PRKCB: variants seen among roughly 807,000 people sequenced by gnomAD.
PRKCB encodes protein kinase C beta, also known as protein kinase C beta type.
A neutral mutation model predicts 81.5 loss-of-function variants in PRKCB; 13 were observed. The ratio of observed to expected loss-of-function variants is 0.16; its 90% CI spans 0.10 to 0.25. The LOEUF (loss-of-function observed/expected upper bound fraction) is 0.25, where lower values mean the gene tolerates loss of function less well. PRKCB is among the 10% of genes least tolerant of loss of function. The pLI is 1.00. For missense variants in PRKCB, 509 were observed against 875.7 expected (o/e 0.58, Z 5.29); for synonymous variants, 335 against 321.4 (o/e 1.04, Z -0.45).
At chr16:24,073,717 T>C (rs1966144122) in intron 5 of PRKCB, among the ~76,000 whole-genome samples, 1 of 152,236 alleles carries the variant, frequency 6.6e-6, no homozygotes, top group Non-Finnish European at 1.5e-5. Context: ...ATAAACGATG[T>C]GCTGACTTTA....
chr16:24,202,286 G>A (rs1461812386), intron 16 of PRKCB, among the ~76,000 whole-genome samples: 2 of 152,092 alleles, frequency 1.3e-5, no homozygotes. Context: ...ACACACTTTT[G>A]AAAGAGTTGC....
In PRKCB at chr16:23,946,861, C is replaced by CTTT. The variant is rs10690650; in HGVS notation, c.206-41637_206-41635dup. ...TCTTTCATTCTTTCTTTGTCTTTGTCTTTTTTTTTTTTGAGACAGGGTCTT... is the reference window on the plus strand; with the variant it reads ...TCTTTCATTCTTTCTTTGTCTTTGTCTTTTTTTTTTTTTTTGAGACAGGGTCTT... On this transcript the variant is annotated intron_variant, in intron 2 of 16. Transcript: ENST00000643927. Among the ~76,000 whole-genome samples, 101 of 146,838 alleles carry CTTT rather than the reference C, an allele frequency of 6.9e-4. 1 individual carries two copies. The highest frequency in any genetic ancestry group is 1.2e-3 in the African/African-American group (46 of 39,946).
chr16:24,086,867 G>A (rs564271546), intron 5 of PRKCB, among the ~76,000 whole-genome samples: 19 of 151,984 alleles, frequency 1.3e-4, no homozygotes, highest in South Asian at 4.2e-4. Flanking sequence ...GCATTTTACT[G>A]TACCTTTCTT....
intron 2 of PRKCB, chr16:23,869,177 T>C: frequency 2.2e-6 from 1 of 452,152 alleles, no homozygotes; most frequent in Non-Finnish European, 4.4e-6. Context: ...GCAGACACAA[T>C]CTACTCTACA....
chr16:23,912,204 A>G (rs1245144211), intron 2 of PRKCB, among the ~76,000 whole-genome samples: 1 of 151,734 alleles, frequency 6.6e-6, no homozygotes, highest in Non-Finnish European at 1.5e-5. Flanking sequence ...CTACCGTTTA[A>G]CCCTTAATTG....
intron 9 of PRKCB, among the ~76,000 whole-genome samples, chr16:24,152,470 C>T (rs1173526402): frequency 2.0e-5 from 3 of 152,186 alleles, no homozygotes; most frequent in Non-Finnish European, 2.9e-5. Context: ...CAGCACCAAG[C>T]CCTTCTTACT....
intron 10 of PRKCB, among the ~76,000 whole-genome samples, chr16:24,169,956 T>C (rs1292401660): frequency 2.6e-5 from 4 of 151,984 alleles, no homozygotes; most frequent in Non-Finnish European, 5.9e-5. Context: ...TTTGTATTTA[T>C]ATTTTAGTAG....
intron 5 of PRKCB, among the ~76,000 whole-genome samples, chr16:24,090,724 A>G (rs1966366070): frequency 6.6e-6 from 1 of 152,208 alleles, no homozygotes; most frequent in Non-Finnish European, 1.5e-5. Context: ...TGAATTGGAA[A>G]AATAGAAATT....
At position 24,077,397 on chromosome 16, in the gene PRKCB, CTCCATCCATCCA is replaced by C. The variant is rs5816242; in HGVS notation, c.530-15369_530-15358del. Among the ~76,000 whole-genome samples the C allele has an allele frequency of 4.4e-3, 659 of 150,532 alleles. 2 individuals are homozygous for C. Among genetic ancestry groups the C allele is most frequent in the Non-Finnish European group, 6.3e-3 (429 of 67,834 alleles). Reference sequence around the variant, plus strand: ...CATCCATCCACCCATGCATTCATCTCTCCATCCATCCATCCATCCATCCATCCATCCATCCAA... The same window carrying C: ...CATCCATCCACCCATGCATTCATCTCTCCATCCATCCATCCATCCATCCAA... On this transcript the variant is annotated intron_variant, in intron 5 of 16. Coordinates refer to ENST00000643927, the MANE Select transcript of PRKCB (RefSeq NM_002738.7).
intron 2 of PRKCB, among the ~76,000 whole-genome samples, chr16:23,866,583 T>C (rs1415027629): frequency 2.0e-5 from 3 of 152,220 alleles, no homozygotes; most frequent in African/African-American, 7.2e-5. Flanking sequence ...ACTTCCCTGT[T>C]GATGAACATT....
intron 2 of PRKCB, among the ~76,000 whole-genome samples, chr16:23,979,201 C>A (rs555296112): frequency 6.6e-6 from 1 of 152,112 alleles, no homozygotes; most frequent in Non-Finnish European, 1.5e-5. Flanking sequence ...TGAGACACAG[C>A]AAAGACAATG....
chr16:23,958,467 G>A (rs993137730), intron 2 of PRKCB, among the ~76,000 whole-genome samples: 4 of 151,660 alleles, frequency 2.6e-5, no homozygotes, highest in Non-Finnish European at 4.4e-5. Context: ...ACCATGCCCG[G>A]CTAATTTTTG....
At chr16:23,881,253 G>GCTTT (rs1963101667) in intron 2 of PRKCB, among the ~76,000 whole-genome samples, 1 of 136,408 alleles carries the variant, frequency 7.3e-6, no homozygotes, top group Non-Finnish European at 1.6e-5. Context: ...TCTTTTCCCA[G>GCTTT]TTTTTTTTTT....
chr16:23,897,759 T>A (rs998140703), intron 2 of PRKCB, among the ~76,000 whole-genome samples: 1 of 152,162 alleles, frequency 6.6e-6, no homozygotes, highest in African/African-American at 2.4e-5. Context: ...ACTCTATATA[T>A]CTTTAAAGTT....
chr16:23,946,184 C>G (rs547917462), intron 2 of PRKCB, among the ~76,000 whole-genome samples: 11 of 152,162 alleles, frequency 7.2e-5, no homozygotes, highest in Non-Finnish European at 1.0e-4. Context: ...CTTCACTGGG[C>G]TGTCAGAGGT....
At chr16:24,032,356 G>A (rs1370497306) in intron 4 of PRKCB, 109 bp downstream of exon 4, 2 of 645,024 alleles carry the variant, frequency 3.1e-6, no homozygotes, top group South Asian at 2.1e-5. Flanking sequence ...CCCTGTCCTC[G>A]TTGGGGCTGG....
At chr16:24,014,424 G>A (rs1965249299) in intron 3 of PRKCB, among the ~76,000 whole-genome samples, 1 of 152,156 alleles carries the variant, frequency 6.6e-6, no homozygotes, top group African/African-American at 2.4e-5. Flanking sequence ...AGGAAGAGGT[G>A]GGGCTCACTC....
rs551408363 is a variant in PRKCB, at chr16:23,851,653, A to G, written c.205+14247A>G. Reference sequence around the variant, plus strand: ...TGGAATTTTGATAAGAATTGCACTGAATCTGTAGATTGCTTTGGCTAGTAT... The same window carrying G: ...TGGAATTTTGATAAGAATTGCACTGGATCTGTAGATTGCTTTGGCTAGTAT... On this transcript the variant is annotated intron_variant, in intron 2 of 16. Transcript: ENST00000643927. Among the ~76,000 whole-genome samples, 112 of 152,288 alleles carry G rather than the reference A, an allele frequency of 7.4e-4. 1 individual carries two copies. Among genetic ancestry groups the G allele is most frequent in the Non-Finnish European group, 1.3e-3 (90 of 68,030 alleles).
chr16:24,188,576 G>T (rs1967740921), intron 15 of PRKCB, among the ~76,000 whole-genome samples: 1 of 151,796 alleles, frequency 6.6e-6, no homozygotes. Flanking sequence ...TCCCTTAAAG[G>T]CCCGATTTTC....
Sources: allele counts gnomAD v4.1 joint callset (sites outside exome capture counted in the v4.1 genomes callset), GRCh38; gene constraint gnomAD v4.1.1; transcripts MANE v1.5; gene names NCBI Gene and HGNC (gene_info 2026-07-23, HGNC 2026-07-21).